SYTL2: variants seen among roughly 807,000 people sequenced by gnomAD.
SYTL2 encodes synaptotagmin-like protein 2.
A neutral mutation model predicts 198.7 loss-of-function variants in SYTL2; 165 were observed. The observed-to-expected ratio is 0.83, with a 90% CI of 0.73 to 0.94. SYTL2 has a LOEUF of 0.94. SYTL2 is among the 40% of genes least tolerant of loss of function. The pLI is 0.00. For missense variants in SYTL2, 2,835 were observed against 2,582.8 expected, an observed-to-expected ratio of 1.10 and a Z score of -2.12; for synonymous variants, 966 against 917.7, an observed-to-expected ratio of 1.05 and a Z score of -0.95.
intron 1 of SYTL2, among the ~76,000 whole-genome samples, chr11:85,799,881 T>A (rs986717324): frequency 1.3e-5 from 2 of 152,206 alleles, no homozygotes; most frequent in Admixed American, 1.3e-4. Context: ...ACTCAGTGAG[T>A]ATCTATCAAA....
chr11:85,840,374 T>G, the SYTL2 span, among the ~76,000 whole-genome samples: 5 of 152,188 alleles, frequency 3.3e-5, no homozygotes, highest in Non-Finnish European at 5.9e-5. Context: ...AGTCCAATGT[T>G]CTGGAGATTT....
Position 85,763,224 on chromosome 11 carries a change from G to C in SYTL2, c.-389-5110C>G, listed in dbSNP as rs138239531. ...TCAGGACACCGCAGAGGACAAAGAAGGATAAGGAGCAGCGGTAGAAATAGC... is the reference window on the plus strand; with the variant it reads ...TCAGGACACCGCAGAGGACAAAGAACGATAAGGAGCAGCGGTAGAAATAGC... On this transcript the variant is annotated intron_variant, in intron 1 of 19. Transcript: ENST00000359152. 2.7e-3 allele frequency among the ~76,000 whole-genome samples: 407 copies of C among 152,322 alleles called. 3 individuals carry two copies. In the Middle Eastern group the frequency reaches 0.031, roughly 11 times the overall value.
At chr11:85,780,328 T>C (rs1195809862) in intron 1 of SYTL2, among the ~76,000 whole-genome samples, 1 of 152,242 alleles carries the variant, frequency 6.6e-6, no homozygotes, top group Non-Finnish European at 1.5e-5. Context: ...CCTTGGAATC[T>C]CTGGAGTGAT....
chr11:85,753,885 A>G (rs1340818400), intron 2 of SYTL2, among the ~76,000 whole-genome samples: 2 of 152,172 alleles, frequency 1.3e-5, no homozygotes, highest in East Asian at 3.8e-4. Flanking sequence ...AGGAATGGCA[A>G]CATTTCCATT....
intron 8 of SYTL2, among the ~76,000 whole-genome samples, 158 bp downstream of exon 8, chr11:85,723,874 A>C (rs929226252): frequency 6.6e-6 from 1 of 151,272 alleles, no homozygotes; most frequent in African/African-American, 2.4e-5. Flanking sequence ...AATATAAATA[A>C]TTTTTTTAAT....
chr11:85,841,042 C>G, the SYTL2 span, among the ~76,000 whole-genome samples: 1 of 152,110 alleles, frequency 6.6e-6, no homozygotes, highest in Non-Finnish European at 1.5e-5. Flanking sequence ...ACAGACACTT[C>G]TCAAAAGAAG....
chr11:85,789,337 T>G (rs1312847323), intron 1 of SYTL2, among the ~76,000 whole-genome samples: 1 of 21,668 alleles, frequency 4.6e-5, no homozygotes, highest in East Asian at 9.4e-4. Context: ...TGTGTGTGTG[T>G]GTGTATATAT....
chr11:85,799,063 A>G (rs1374924540), intron 1 of SYTL2, among the ~76,000 whole-genome samples: 1 of 152,210 alleles, frequency 6.6e-6, no homozygotes, highest in Non-Finnish European at 1.5e-5. Context: ...TGAGAATAAA[A>G]AGCCAAATAT....
At position 85,734,753 on chromosome 11, in the gene SYTL2, A is replaced by G. The variant is rs936379662; in HGVS notation, c.587-11T>C. 1 of 1,596,594 alleles carries G rather than the reference A, an allele frequency of 6.3e-7. No individual in the cohort carries two copies. Among genetic ancestry groups the G allele is most frequent in the Non-Finnish European group, 8.6e-7 (1 of 1,167,522 alleles). ...ACTCTGACAATTCATCTGAAAATTA[A>G]AACACAGTAGGTGATATATCATATA... is the stretch of plus-strand genomic sequence containing the variant. On this transcript the variant is annotated splice_polypyrimidine_tract_variant and intron_variant, in intron 6 of 19. Transcript: ENST00000359152.
In SYTL2 at chr11:85,709,416, C is replaced by T; in HGVS notation, c.5830G>A (p.Val1944Met). 5 of 1,614,110 alleles carry T rather than the reference C, an allele frequency of 3.1e-6. No homozygotes were observed. In the South Asian group the frequency reaches 5.5e-5, roughly 18 times the overall value. ...ACATGCAACTCCTTCAGTGACTCCA[C>T]ATATTCAATTGCAAACTGAATATTT... ...KGNIQFAIEY[V>M]ESLKELHVFV... The change falls in exon 14 of 20, where the codon GTG becomes ATG. Residue 1944 changes from valine to methionine, a missense_variant. Val to Met is a conservative substitution (Grantham distance 21). Coordinates refer to ENST00000359152, the MANE Select transcript of SYTL2 (RefSeq NM_206927.4).
At chr11:85,830,870 G>A in the SYTL2 span, among the ~76,000 whole-genome samples, 3 of 151,854 alleles carry the variant, frequency 2.0e-5, no homozygotes, top group African/African-American at 7.3e-5. Context: ...ATGCTTCCTA[G>A]GATCACTTCC....
chr11:85,845,959 C>T, the SYTL2 span, among the ~76,000 whole-genome samples: 1 of 152,136 alleles, frequency 6.6e-6, no homozygotes, highest in East Asian at 1.9e-4. Flanking sequence ...AAAACCACCA[C>T]CACTTTATTA....
At chr11:85,710,570 G>A (rs1217300277) in intron 13 of SYTL2, among the ~76,000 whole-genome samples, 2 of 152,146 alleles carry the variant, frequency 1.3e-5, no homozygotes, top group African/African-American at 2.4e-5. Context: ...CCTTATGCAA[G>A]AAGTTCTATG....
chr11:85,731,449 T>G (rs1429117291), intron 7 of SYTL2, among the ~76,000 whole-genome samples: 2 of 152,186 alleles, frequency 1.3e-5, no homozygotes, highest in Non-Finnish European at 2.9e-5. Flanking sequence ...AACCATCTGA[T>G]CTTTGCCAAA....
chr11:85,771,897 T>G (rs1201312331), intron 1 of SYTL2, among the ~76,000 whole-genome samples: 1 of 149,902 alleles, frequency 6.7e-6, no homozygotes, highest in Admixed American at 6.6e-5. Flanking sequence ...TATATAATTA[T>G]AGTTATATAT....
intron 12 of SYTL2, among the ~76,000 whole-genome samples, chr11:85,711,640 T>A (rs909033529): frequency 3.7e-4 from 56 of 152,176 alleles, no homozygotes; most frequent in Non-Finnish European, 6.8e-4. Context: ...AACATCATGT[T>A]TAATTCCTCT....
chr11:85,710,271 T>A lies in SYTL2; in HGVS notation c.5746-771A>T, dbSNP rs182883981. Among the ~76,000 whole-genome samples the A allele has an allele frequency of 1.9e-4, 29 of 152,338 alleles. 1 individual carries two copies. Among genetic ancestry groups the A allele is most frequent in the African/African-American group, 6.3e-4 (26 of 41,574 alleles). On this transcript the variant is annotated intron_variant, in intron 13 of 19. Transcript: ENST00000359152. ...ATCTAGAAAAATGCTTACTGAGCCA[T>A]GCGCTTTTAGAGGTCAGGAAGGGTA... is the stretch of plus-strand genomic sequence containing the variant.
At chr11:85,848,838 A>C in the SYTL2 span, among the ~76,000 whole-genome samples, 1 of 152,234 alleles carries the variant, frequency 6.6e-6, no homozygotes, top group Non-Finnish European at 1.5e-5. Flanking sequence ...ATATCTGAGA[A>C]AACAAAGAGA....
chr11:85,787,666 T>C (rs1013129412), intron 1 of SYTL2, among the ~76,000 whole-genome samples: 12 of 151,250 alleles, frequency 7.9e-5, no homozygotes, highest in African/African-American at 2.2e-4. Context: ...TCCTCCCCAA[T>C]GGTTTATTTC....
Sources: allele counts gnomAD v4.1 joint callset (sites outside exome capture counted in the v4.1 genomes callset), GRCh38; gene constraint gnomAD v4.1.1; transcripts MANE v1.5; gene names NCBI Gene and HGNC (gene_info 2026-07-23, HGNC 2026-07-21).